OTUD7A: variants seen among roughly 807,000 people sequenced by gnomAD.
OTUD7A encodes the protein OTU deubiquitinase 7A, also known as OTU domain-containing protein 7A.
A neutral mutation model predicts 65.7 loss-of-function variants in OTUD7A; 12 were observed. That is an observed-to-expected ratio of 0.18 (90% confidence interval 0.12 to 0.30). OTUD7A has a LOEUF of 0.30. Ranked by LOEUF, OTUD7A falls within the 10% of genes least tolerant of loss-of-function variation. The pLI, the probability that OTUD7A is intolerant of heterozygous loss-of-function variation, is 1.00. For missense variants in OTUD7A, 1,148 were observed against 1,304.8 expected (o/e 0.88, Z 1.85); for synonymous variants, 641 against 586.3 (o/e 1.09, Z -1.35).
chr15:31,513,350 T>G (rs28449613), intron 8 of OTUD7A, among the ~76,000 whole-genome samples: 110,990 of 152,140 alleles, frequency 0.73, 40,730 homozygotes, highest in East Asian at 0.84. Flanking sequence ...AACATCCTCC[T>G]ACACAACCAC....
chr15:31,484,551 C>T lies in OTUD7A; in HGVS notation c.1545G>A (p.Thr515=), dbSNP rs755665876. Reference sequence around the variant, plus strand: ...GCTTGTTGGCCACGGAGTCGGCGCGCGTCTTGTCCTTCTCCTTGCGCTGCT... The same window carrying T: ...GCTTGTTGGCCACGGAGTCGGCGCGTGTCTTGTCCTTCTCCTTGCGCTGCT... The part of the protein sequence containing the change: ...KEKQRKEKDK[T]RADSVANKLG... The change falls in exon 13 of 13, where the codon ACG becomes ACA. Residue 515 remains threonine, a synonymous_variant. Transcript: ENST00000307050. This position sits in a 1 kb window ranked among gnomAD's most constrained non-coding sequence, Gnocchi z 4.5. The T allele has an allele frequency of 2.5e-5, 40 of 1,611,448 alleles. No homozygotes were observed. The highest frequency in any genetic ancestry group is 3.1e-5 in the Non-Finnish European group (37 of 1,179,962).
intron 3 of OTUD7A, among the ~76,000 whole-genome samples, chr15:31,589,487 G>GTTTTT (rs1889655663): frequency 3.6e-5 from 5 of 138,174 alleles, no homozygotes; most frequent in African/African-American, 2.8e-5. Flanking sequence ...TTTTTCTGTA[G>GTTTTT]AGACGGGGTT....
chr15:31,787,957 T>C (rs1265577333), intron 1 of OTUD7A, among the ~76,000 whole-genome samples: 1 of 152,184 alleles, frequency 6.6e-6, no homozygotes, highest in Non-Finnish European at 1.5e-5. Flanking sequence ...TTATTTAACA[T>C]GGAAAGCTTA....
intron 1 of OTUD7A, among the ~76,000 whole-genome samples, chr15:31,784,640 T>A (rs1453936174): frequency 1.3e-5 from 2 of 152,138 alleles, no homozygotes; most frequent in Non-Finnish European, 2.9e-5. Context: ...ACCACGATAA[T>A]TTTTAAGAAT....
intron 3 of OTUD7A, among the ~76,000 whole-genome samples, chr15:31,618,245 G>C (rs1890657620): frequency 6.6e-6 from 1 of 152,162 alleles, no homozygotes. Context: ...ACATACATGT[G>C]CATGTGTCTT....
At chr15:31,788,946 C>T (rs1237339058) in intron 1 of OTUD7A, among the ~76,000 whole-genome samples, 1 of 152,036 alleles carries the variant, frequency 6.6e-6, no homozygotes, top group Non-Finnish European at 1.5e-5. Context: ...TTTCCAAGGC[C>T]ATAGGATTCC....
At chr15:31,731,501 A>G (rs1342311354) in intron 1 of OTUD7A, among the ~76,000 whole-genome samples, 3 of 152,230 alleles carry the variant, frequency 2.0e-5, no homozygotes, top group Non-Finnish European at 4.4e-5. Flanking sequence ...TGGAAGAGGC[A>G]AAATCACAGG....
At chr15:31,568,150 G>A (rs532186558) in intron 4 of OTUD7A, among the ~76,000 whole-genome samples, 1 of 152,348 alleles carries the variant, frequency 6.6e-6, no homozygotes, top group African/African-American at 2.4e-5. Context: ...TCTACCAGTG[G>A]CTTGCACCCT....
chr15:31,499,750 A>G (rs1344870967), intron 10 of OTUD7A, among the ~76,000 whole-genome samples: 1 of 152,196 alleles, frequency 6.6e-6, no homozygotes, highest in African/African-American at 2.4e-5. Flanking sequence ...TCGCCCCAGG[A>G]GGATCCCAGT....
chr15:31,773,810 A>AT lies in OTUD7A; in HGVS notation c.-100+96696dup, dbSNP rs562744732. On this transcript the variant is annotated intron_variant, in intron 1 of 12. Transcript: ENST00000307050. ...AGTCGACCAACAGATGCTTATGTAA[A>AT]TGCTCCACTCCTCAAAACATTTTAA... 5.3e-5 allele frequency among the ~76,000 whole-genome samples: 8 copies of AT among 152,344 alleles called. No individual in the cohort carries two copies. In the South Asian group the frequency reaches 1.5e-3, roughly 28 times the overall value.
At chr15:31,549,930 T>C (rs1888263733) in intron 5 of OTUD7A, among the ~76,000 whole-genome samples, 1 of 151,916 alleles carries the variant, frequency 6.6e-6, no homozygotes. Flanking sequence ...ACATACAAAA[T>C]ACTCTACTAA....
intron 1 of OTUD7A, among the ~76,000 whole-genome samples, chr15:31,815,228 T>C (rs1306453534): frequency 6.6e-6 from 1 of 152,068 alleles, no homozygotes; most frequent in African/African-American, 2.4e-5. Context: ...TGTGCTGCTG[T>C]AGCCATAGCA....
At chr15:31,615,842 G>A (rs1327611370) in intron 3 of OTUD7A, among the ~76,000 whole-genome samples, 2 of 152,218 alleles carry the variant, frequency 1.3e-5, no homozygotes, top group Non-Finnish European at 2.9e-5. Context: ...ACAGGCACAG[G>A]CTTCAACCGC....
At chr15:31,774,375 C>A (rs1043998361) in intron 1 of OTUD7A, among the ~76,000 whole-genome samples, 1 of 152,250 alleles carries the variant, frequency 6.6e-6, no homozygotes, top group African/African-American at 2.4e-5. Context: ...ACGCTTTAGA[C>A]TGCTTTAAAA....
At position 31,484,468 on chromosome 15, in the gene OTUD7A, C is replaced by A; in HGVS notation, c.1628G>T (p.Gly543Val). Residue 543 changes from glycine (G) to valine (V), a missense_variant, in exon 13 of 13, where the codon GGC becomes GTC. Around this residue, in one of 6 missense-constraint regions of OTUD7A, gnomAD observed 842 missense variants for 769.5 expected, o/e 1.09. Transcript: ENST00000307050. This position sits in a 1 kb window ranked among gnomAD's most constrained non-coding sequence, Gnocchi z 4.5. ...GCCCATCTTGCCGTGCACCAGGCCG[C>A]CGAGGCCGCCCATGTTTTTCTTCAG... ...IKLKKNMGGL[G>V]GLVHGKMGRA... is the part of the protein sequence containing the mutation. 2.5e-6 allele frequency: 4 copies of A among 1,605,888 alleles called. No homozygotes were observed. The highest frequency in any genetic ancestry group is 3.4e-6 in the Non-Finnish European group (4 of 1,179,944).
At chr15:31,589,629 T>C (rs890492888) in intron 3 of OTUD7A, among the ~76,000 whole-genome samples, 2 of 152,072 alleles carry the variant, frequency 1.3e-5, no homozygotes, top group Non-Finnish European at 2.9e-5. Flanking sequence ...TTTGCATTTT[T>C]TCAATGAATT....
chr15:31,613,809 G>C (rs76467097), intron 3 of OTUD7A, among the ~76,000 whole-genome samples: 1 of 152,078 alleles, frequency 6.6e-6, no homozygotes. Flanking sequence ...TAGAGGAAAA[G>C]AAGTTATTAT....
At chr15:31,530,141 G>C (rs543946303) in intron 6 of OTUD7A, among the ~76,000 whole-genome samples, 3 of 152,302 alleles carry the variant, frequency 2.0e-5, no homozygotes, top group South Asian at 4.1e-4. Context: ...TGACTCCCCT[G>C]TGATTTATCT....
At chr15:31,690,628 AC>A (rs1383262032) in intron 1 of OTUD7A, among the ~76,000 whole-genome samples, 4 of 152,254 alleles carry the variant, frequency 2.6e-5, no homozygotes, top group Admixed American at 2.6e-4. Context: ...AGGGTGCCAC[AC>A]ATGGCCTCGC....
Sources: gnomAD v4.1 joint callset for allele counts (sites outside exome capture counted in the v4.1 genomes callset) on GRCh38, gnomAD v4.1.1 for gene constraint, gnomAD v4.1.1 regional missense constraint, Gnocchi (gnomAD v3.1) non-coding constraint, MANE v1.5 for transcripts, NCBI Gene and HGNC (gene_info 2026-07-23, HGNC 2026-07-21) for gene names.